RPS6KC1: variants seen among roughly 807,000 people sequenced by gnomAD.
RPS6KC1 encodes inactive ribosomal protein S6 kinase delta-1.
Under a neutral mutation model 103.8 loss-of-function variants are expected in RPS6KC1, and 54 were observed. The ratio of observed to expected loss-of-function variants is 0.52; its 90% CI spans 0.42 to 0.65. The LOEUF (loss-of-function observed/expected upper bound fraction) is 0.65, where lower values mean the gene tolerates loss of function less well. RPS6KC1 is among the 30% of genes least tolerant of loss of function. The probability of loss-of-function intolerance (pLI) is 0.00; values close to 1 mark genes in which losing one functional copy is unlikely to be tolerated. For synonymous variants in RPS6KC1, 439 were observed against 438.7 expected, an observed-to-expected ratio of 1.00 and a Z score of -0.01; for missense variants, 1,151 against 1,253.8, an observed-to-expected ratio of 0.92 and a Z score of 1.24.
chr1:213,600,931 A>G, the RPS6KC1 span, among the ~76,000 whole-genome samples: 1 of 152,230 alleles, frequency 6.6e-6, no homozygotes, highest in Non-Finnish European at 1.5e-5. Context: ...GAAGCCTGAG[A>G]AAGATTTGTG....
At chr1:213,624,015 C>A in the RPS6KC1 span, among the ~76,000 whole-genome samples, 1 of 152,120 alleles carries the variant, frequency 6.6e-6, no homozygotes, top group African/African-American at 2.4e-5. Flanking sequence ...GGAGGGGCAA[C>A]AGAATTGAGG....
chr1:213,579,748 T>A, the RPS6KC1 span, among the ~76,000 whole-genome samples: 2 of 152,088 alleles, frequency 1.3e-5, no homozygotes, highest in Non-Finnish European at 2.9e-5. Context: ...TTAAGAATTA[T>A]GTTAAATCTA....
the RPS6KC1 span, among the ~76,000 whole-genome samples, chr1:213,330,784 G>A: frequency 3.9e-3 from 595 of 152,346 alleles, 1 homozygote; most frequent in African/African-American, 0.014. Context: ...TTCTTGAGAA[G>A]GTGAACGGTG....
In RPS6KC1 at chr1:213,273,037, A is replaced by T. The variant is rs2095079520; in HGVS notation, c.*403A>T. The T allele has an allele frequency of 6.2e-6, 1 of 161,692 alleles. No individual in the cohort carries two copies. The highest frequency in any genetic ancestry group is 2.4e-5 in the African/African-American group (1 of 41,750). The allele number at this position is 161,692 out of a possible 1,614,324, so 10.0% of individuals were successfully genotyped here. On this transcript the variant is annotated 3_prime_UTR_variant, in exon 15 of 15. Transcript: ENST00000366960. ...TTTTTGCTGACCAGGATTGGTTTAT[A>T]TGATTAAATTAATATTTGCTTAATA...
At chr1:213,713,313 C>G in the RPS6KC1 span, among the ~76,000 whole-genome samples, 1 of 152,144 alleles carries the variant, frequency 6.6e-6, no homozygotes, top group African/African-American at 2.4e-5. Flanking sequence ...TTTATCTCTT[C>G]CTGTTGCCCT....
the RPS6KC1 span, among the ~76,000 whole-genome samples, chr1:213,789,634 G>A: frequency 6.6e-6 from 1 of 152,126 alleles, no homozygotes; most frequent in African/African-American, 2.4e-5. Context: ...CTCAGGTGAT[G>A]GGACAAAATT....
the RPS6KC1 span, among the ~76,000 whole-genome samples, chr1:213,770,681 T>A: frequency 6.6e-6 from 1 of 152,176 alleles, no homozygotes; most frequent in Non-Finnish European, 1.5e-5. Context: ...CAGGTAGACA[T>A]GACAACTCAA....
chr1:213,858,760 C>T, the RPS6KC1 span, among the ~76,000 whole-genome samples: 2 of 152,158 alleles, frequency 1.3e-5, no homozygotes, highest in Non-Finnish European at 2.9e-5. Flanking sequence ...GATAACATAA[C>T]CAAATGTTTT....
chr1:213,145,921 A>G (rs565709491), intron 6 of RPS6KC1, among the ~76,000 whole-genome samples: 6 of 144,170 alleles, frequency 4.2e-5, no homozygotes, highest in Admixed American at 1.4e-4. Context: ...ATTATTGACT[A>G]TAGTCACCCT....
chr1:213,684,502 T>C, the RPS6KC1 span, among the ~76,000 whole-genome samples: 1 of 152,158 alleles, frequency 6.6e-6, no homozygotes, highest in Non-Finnish European at 1.5e-5. Context: ...CCTGTAGTTG[T>C]TTTTGCCTGC....
chr1:213,506,616 G>T, the RPS6KC1 span, among the ~76,000 whole-genome samples: 2 of 152,198 alleles, frequency 1.3e-5, no homozygotes, highest in African/African-American at 2.4e-5. Flanking sequence ...GAATATAAAC[G>T]CCTCTCTGTT....
intron 6 of RPS6KC1, among the ~76,000 whole-genome samples, chr1:213,152,037 A>C (rs1486447664): frequency 1.1e-5 from 1 of 91,642 alleles, no homozygotes. Flanking sequence ...CGGACGGGGC[A>C]GCTGGCCGGG....
chr1:213,635,243 A>G, the RPS6KC1 span, among the ~76,000 whole-genome samples: 9,142 of 152,272 alleles, frequency 0.06, 597 homozygotes, highest in East Asian at 0.29. Flanking sequence ...ATCAATAGAA[A>G]AAGAGGGAAT....
At chr1:213,217,437 A>G (rs2093696661) in intron 8 of RPS6KC1, among the ~76,000 whole-genome samples, 1 of 152,264 alleles carries the variant, frequency 6.6e-6, no homozygotes, top group South Asian at 2.1e-4. Context: ...GAATTCTACC[A>G]GAGGTACAAA....
chr1:213,559,069 T>C, the RPS6KC1 span, among the ~76,000 whole-genome samples: 4 of 152,232 alleles, frequency 2.6e-5, no homozygotes, highest in Non-Finnish European at 4.4e-5. Context: ...CCTGGACTTC[T>C]AGGAAGCTAT....
the RPS6KC1 span, among the ~76,000 whole-genome samples, chr1:213,639,777 A>T: frequency 1.3e-5 from 2 of 151,976 alleles, no homozygotes; most frequent in African/African-American, 4.8e-5. Flanking sequence ...TTTTAAAAAA[A>T]GATATTTCTC....
chr1:213,537,804 T>G, the RPS6KC1 span, among the ~76,000 whole-genome samples: 1 of 152,200 alleles, frequency 6.6e-6, no homozygotes, highest in African/African-American at 2.4e-5. Flanking sequence ...CTTAAAAATG[T>G]TCTGACTGCT....
At chr1:213,404,140 C>G in the RPS6KC1 span, among the ~76,000 whole-genome samples, 13 of 152,198 alleles carry the variant, frequency 8.5e-5, no homozygotes, top group African/African-American at 2.9e-4. Context: ...GTAGATAACA[C>G]CAGTGAGTGG....
In RPS6KC1 at chr1:213,143,385, C is replaced by G. The variant is rs1192606191; in HGVS notation, c.835+13496C>G. Among the ~76,000 whole-genome samples, 3 of 151,190 alleles carry G rather than the reference C, an allele frequency of 2.0e-5. No individual in the cohort carries two copies. The East Asian group carries it at 5.8e-4, about 29-fold the overall frequency. On this transcript the variant is annotated intron_variant, in intron 6 of 14. Transcript: ENST00000366960. ...TTATTCACTCATGTTAGCATTTTAT[C>G]AGTTTTTTTAATGTTCAAAAGAATT...
Sources: allele counts gnomAD v4.1 joint callset (sites outside exome capture counted in the v4.1 genomes callset), GRCh38; gene constraint gnomAD v4.1.1; transcripts MANE v1.5; gene names NCBI Gene and HGNC (gene_info 2026-07-23, HGNC 2026-07-21).